The following RABGGTB variants were observed in gnomAD, a reference collection of about 807,000 sequenced individuals.
The protein encoded by RABGGTB is Rab geranylgeranyltransferase subunit beta, also known as geranylgeranyl transferase type-2 subunit beta.
In RABGGTB, 20 loss-of-function variants were observed where a neutral mutation model predicts 44.5. The observed-to-expected ratio is 0.45, with a 90% CI of 0.32 to 0.65. RABGGTB has a LOEUF of 0.65. Ranked by LOEUF, RABGGTB falls within the 30% of genes least tolerant of loss-of-function variation. The probability of loss-of-function intolerance (pLI) is 0.05; values close to 1 mark genes in which losing one functional copy is unlikely to be tolerated. For missense variants in RABGGTB, 302 were observed against 398.7 expected, an observed-to-expected ratio of 0.76 and a Z score of 2.06; for synonymous variants, 128 against 136.7, an observed-to-expected ratio of 0.94 and a Z score of 0.44.
Position 75,789,204 on chromosome 1 carries a change from G to T in RABGGTB, c.157G>T (p.Gly53Cys). 1 of 1,613,942 alleles carries T rather than the reference G, an allele frequency of 6.2e-7. No individual in the cohort carries two copies. ...TTTGAGAATGAGTGGCATCTATTGG[G>T]GTCTGACAGTAATGGATCTCATGGG... ...EYLRMSGIYW[G>C]LTVMDLMGQL... Residue 53 changes from glycine to cysteine, a missense_variant, in exon 3 of 9, where the codon GGT becomes TGT. Physicochemically the swap from Gly to Cys is radical, Grantham distance 159. Around this residue, in one of 2 missense-constraint regions of RABGGTB, gnomAD observed 89 missense variants for 75.0 expected, o/e 1.19. Transcript: ENST00000319942.
intron 8 of RABGGTB, 73 bp downstream of exon 8, chr1:75,794,306 C>T: frequency 6.7e-7 from 1 of 1,502,700 alleles, no homozygotes. Flanking sequence ...CATGGATTTC[C>T]AGGGTGGCAT....
Position 75,787,558 on chromosome 1 carries a change from A to G in RABGGTB, c.65A>G (p.Lys22Arg). ...SDAPDTLLLE[K>R]HADYIASYGS... The stretch of plus-strand genomic sequence containing the variant: ...GCACCGGACACTTTGTTATTGGAGA[A>G]ACATGCAGATTATATCGCATCCTAT... The change falls in exon 2 of 9, where the codon AAA (lysine) becomes AGA (arginine). Residue 22 changes from lysine to arginine, a missense_variant. Around this residue, in one of 2 missense-constraint regions of RABGGTB, gnomAD observed 89 missense variants for 75.0 expected, o/e 1.19. Coordinates refer to ENST00000319942, the MANE Select transcript of RABGGTB (RefSeq NM_004582.4). 1.1e-5 allele frequency: 17 copies of G among 1,614,064 alleles called. No homozygotes were observed. The highest frequency in any genetic ancestry group is 1.4e-5 in the Non-Finnish European group (16 of 1,179,910).
chr1:75,789,637 C>G, intron 3 of RABGGTB: 2 of 627,048 alleles, frequency 3.2e-6, no homozygotes, highest in Non-Finnish European at 5.8e-6. Context: ...GAACATCTAC[C>G]TGGTGGTTTA....
chr1:75,787,309 C>A, intron 1 of RABGGTB, 188 bp from the exon 2 acceptor site: 6 of 616,152 alleles, frequency 9.7e-6, no homozygotes, highest in South Asian at 5.8e-5. Flanking sequence ...TTCACTGCAG[C>A]CTTAATTTCC....
In RABGGTB at chr1:75,789,227, G is replaced by A; in HGVS notation, c.180G>A (p.Met60Ile). Reference protein sequence around the residue: ...IYWGLTVMDLMGQLHRMNREE... With the variant: ...IYWGLTVMDLIGQLHRMNREE... Reference sequence around the variant, plus strand: ...GGGGTCTGACAGTAATGGATCTCATGGGACAACTTCATCGCATGAATAGAG... The same window carrying A: ...GGGGTCTGACAGTAATGGATCTCATAGGACAACTTCATCGCATGAATAGAG... Residue 60 changes from methionine (M) to isoleucine (I), a missense_variant, in exon 3 of 9, where the codon ATG (methionine) becomes ATA (isoleucine). Coordinates refer to ENST00000319942, the MANE Select transcript of RABGGTB (RefSeq NM_004582.4). 6.2e-7 allele frequency: 1 copy of A among 1,614,024 alleles called. No individual in the cohort carries two copies.
chr1:75,787,726 T>C (rs915961500), intron 2 of RABGGTB, 122 bp downstream of exon 2: 3 of 796,098 alleles, frequency 3.8e-6, no homozygotes, highest in African/African-American at 1.7e-5. Flanking sequence ...GAGGATGTGC[T>C]GTGCCTTTGA....
At chr1:75,786,251 T>A (rs370414716), upstream of RABGGTB, 5 of 1,614,128 alleles carry the variant, frequency 3.1e-6, no homozygotes, top group South Asian at 4.4e-5. Context: ...CTGACCCTGC[T>A]CTCTCCTTTC....
intron 6 of RABGGTB, 107 bp downstream of exon 6, chr1:75,791,678 C>G: frequency 4.3e-6 from 4 of 939,164 alleles, no homozygotes; most frequent in Non-Finnish European, 6.5e-6. Context: ...AAAGTTAATT[C>G]GACTGTAATA....
intron 1 of RABGGTB, 106 bp downstream of exon 1, chr1:75,786,380 A>G: frequency 6.7e-7 from 1 of 1,491,206 alleles, no homozygotes; most frequent in Non-Finnish European, 9.4e-7. Context: ...GTGCTGGAGA[A>G]TGGTTAGGAC....
intron 4 of RABGGTB, chr1:75,790,547 T>G (rs12093623): frequency 0.25 from 227,613 of 900,594 alleles, 30,391 homozygotes; most frequent in Non-Finnish European, 0.27. Flanking sequence ...AGAAATGGAC[T>G]AATACTTTGG....
chr1:75,788,125 T>C lies in RABGGTB; in HGVS notation c.111+521T>C, dbSNP rs192187731. 3.2e-4 allele frequency: 101 copies of C among 311,820 alleles called. No individual in the cohort carries two copies. The East Asian group carries it at 5.3e-3, about 16-fold the overall frequency. The allele number at this position is 311,820 out of a possible 1,614,324, so 19.3% of individuals were successfully genotyped here. A position where few individuals can be genotyped will look rare whatever the true frequency, so the allele number is the denominator to read the frequency against. ...CTACCGATTTGTGGGATATATGGTA[T>C]GTATTAATTTTTTACTTAAGTGTTA... On this transcript the variant is annotated intron_variant, in intron 2 of 8. Coordinates refer to ENST00000319942, the MANE Select transcript of RABGGTB (RefSeq NM_004582.4).
In RABGGTB at chr1:75,789,225, A is replaced by T; in HGVS notation, c.178A>T (p.Met60Leu). ...TTGGGGTCTGACAGTAATGGATCTC[A>T]TGGGACAACTTCATCGCATGAATAG... ...IYWGLTVMDL[M>L]GQLHRMNREE... Residue 60 changes from methionine (M) to leucine (L), a missense_variant, in exon 3 of 9, where the codon ATG (methionine) becomes TTG (leucine). Around this residue, in one of 2 missense-constraint regions of RABGGTB, gnomAD observed 89 missense variants for 75.0 expected, o/e 1.19. Transcript: ENST00000319942. 6.2e-7 allele frequency: 1 copy of T among 1,612,692 alleles called. No individual in the cohort carries two copies. The highest frequency in any genetic ancestry group is 8.5e-7 in the Non-Finnish European group (1 of 1,178,734).
chr1:75,789,618 GA>G (rs1649597682), intron 3 of RABGGTB: 1 of 663,554 alleles, frequency 1.5e-6, no homozygotes, highest in African/African-American at 1.8e-5. Flanking sequence ...ATTTGATTTT[GA>G]TATTAGTGAA....
At chr1:75,790,104 T>C in intron 4 of RABGGTB, 47 bp downstream of exon 4, 1 of 1,605,368 alleles carries the variant, frequency 6.2e-7, no homozygotes, top group Non-Finnish European at 8.5e-7. Flanking sequence ...AATATTAAAA[T>C]GTACTGGTTT....
Position 75,789,642 on chromosome 1 carries a change from G to A in RABGGTB, c.309+286G>A, listed in dbSNP as rs1011876437. ...TGATATTAGTGAACATCTACCTGGTGGTTTAAAGTCTTTCTGGTACTACTG... is the reference window on the plus strand; with the variant it reads ...TGATATTAGTGAACATCTACCTGGTAGTTTAAAGTCTTTCTGGTACTACTG... On this transcript the variant is annotated intron_variant, in intron 3 of 8. Transcript: ENST00000319942. 28 of 618,702 alleles carry A rather than the reference G, an allele frequency of 4.5e-5. 1 individual carries two copies. In the Admixed American group the frequency reaches 4.7e-4, roughly 10 times the overall value. The allele number at this position is 618,702 out of a possible 1,614,324, so 38.3% of individuals were successfully genotyped here.
rs1435692264 is a variant in RABGGTB, at chr1:75,795,068, T to C, written c.*418T>C. On this transcript the variant is annotated 3_prime_UTR_variant, in exon 9 of 9. Transcript: ENST00000319942. ...TTAAATGATGCACAAAATAAATGGC[T>C]GTTGAAATTTGGAAATGATTGATAG... is the stretch of plus-strand genomic sequence containing the variant. 1 of 272,994 alleles carries C rather than the reference T, an allele frequency of 3.7e-6. No individual in the cohort carries two copies. The highest frequency in any genetic ancestry group is 7.3e-6 in the Non-Finnish European group (1 of 137,724). The allele number at this position is 272,994 out of a possible 1,614,324, so 16.9% of individuals were successfully genotyped here. A position where few individuals can be genotyped will look rare whatever the true frequency, so the allele number is the denominator to read the frequency against.
intron 1 of RABGGTB, chr1:75,786,967 T>G: frequency 2.4e-6 from 1 of 414,916 alleles, no homozygotes; most frequent in Non-Finnish European, 4.7e-6. Context: ...ATGTAAACCG[T>G]AAGTTGTCCT....
upstream of RABGGTB, chr1:75,786,200 C>A (rs571186190): frequency 4.1e-5 from 65 of 1,592,026 alleles, no homozygotes; most frequent in South Asian, 1.2e-4. Context: ...GCCTGAGAGG[C>A]GCATCTGCGC....
At chr1:75,790,946 C>T (rs533206622) in intron 4 of RABGGTB, among the ~76,000 whole-genome samples, 14 of 152,216 alleles carry the variant, frequency 9.2e-5, no homozygotes, top group Non-Finnish European at 1.9e-4. Flanking sequence ...CCCAGCCCCA[C>T]CTAATTTTTT....
Sources: gnomAD v4.1 joint callset for allele counts (sites outside exome capture counted in the v4.1 genomes callset) on GRCh38, gnomAD v4.1.1 for gene constraint, gnomAD v4.1.1 regional missense constraint, MANE v1.5 for transcripts, NCBI Gene and HGNC (gene_info 2026-07-23, HGNC 2026-07-21) for gene names.